Variants in PALM2AKAP2 observed in about 807,000 individuals in gnomAD.
PALM2AKAP2 encodes the protein PALM2-AKAP2 fusion protein.
In PALM2AKAP2, 37 loss-of-function variants were observed where a neutral mutation model predicts 71.5. The ratio of observed to expected loss-of-function variants is 0.52; its 90% CI spans 0.40 to 0.68. The LOEUF is 0.68. Among genes scored for constraint, PALM2AKAP2 ranks in the 30% least tolerant of loss-of-function variants. The pLI is 0.00. For synonymous variants in PALM2AKAP2, 468 were observed against 478.8 expected, an observed-to-expected ratio of 0.98 and a Z score of 0.29; for missense variants, 1,224 against 1,191.8, an observed-to-expected ratio of 1.03 and a Z score of -0.40.
At chr9:109,791,627 C>G (rs951435775) in intron 1 of PALM2AKAP2, among the ~76,000 whole-genome samples, 4 of 152,186 alleles carry the variant, frequency 2.6e-5, no homozygotes, top group Non-Finnish European at 4.4e-5. Flanking sequence ...CATGTGCCAG[C>G]CACCCTGCTG....
At chr9:110,064,561 T>C (rs1334548753) in intron 1 of PALM2AKAP2, among the ~76,000 whole-genome samples, 1 of 152,188 alleles carries the variant, frequency 6.6e-6, no homozygotes, top group Non-Finnish European at 1.5e-5. Flanking sequence ...GTTAGTGGTA[T>C]GTCCTCAGCA....
At chr9:110,152,400 G>A (rs746124203) in intron 2 of PALM2AKAP2, among the ~76,000 whole-genome samples, 3 of 152,182 alleles carry the variant, frequency 2.0e-5, no homozygotes, top group Non-Finnish European at 4.4e-5. Context: ...AGTAAGCAAA[G>A]CTGGACCTGG....
intron 1 of PALM2AKAP2, among the ~76,000 whole-genome samples, chr9:109,822,513 C>T (rs1828036994): frequency 6.6e-6 from 1 of 152,102 alleles, no homozygotes; most frequent in Admixed American, 6.5e-5. Flanking sequence ...CTTTTTGGAC[C>T]TCACCCTTTT....
At chr9:109,917,935 A>G (rs1359878827) in intron 3 of PALM2AKAP2, among the ~76,000 whole-genome samples, 2 of 152,164 alleles carry the variant, frequency 1.3e-5, no homozygotes, top group East Asian at 1.9e-4. Flanking sequence ...GCATGTTGCC[A>G]TCCCCAACCA....
In PALM2AKAP2 at chr9:109,713,409, T is replaced by C. The variant is rs548908293; in HGVS notation, c.6-67079T>C. On this transcript the variant is annotated intron_variant, in intron 1 of 6. Transcript: ENST00000374531. ...TTTTTAGATAGCACATGCATGATCATTTTATAATTTAAATATAAATCTATC... is the reference window on the plus strand; with the variant it reads ...TTTTTAGATAGCACATGCATGATCACTTTATAATTTAAATATAAATCTATC... Among the ~76,000 whole-genome samples, 14 of 152,312 alleles carry C rather than the reference T, an allele frequency of 9.2e-5. No individual in the cohort carries two copies. In the South Asian group the frequency reaches 2.9e-3, roughly 32 times the overall value.
At chr9:109,953,229 C>T (rs1831676881) in intron 6 of PALM2AKAP2, among the ~76,000 whole-genome samples, 1 of 152,144 alleles carries the variant, frequency 6.6e-6, no homozygotes, top group African/African-American at 2.4e-5. Flanking sequence ...ACCAGATGAA[C>T]TCTAAATATA....
At chr9:109,955,812 C>T (rs949578428) in intron 6 of PALM2AKAP2, among the ~76,000 whole-genome samples, 5 of 151,928 alleles carry the variant, frequency 3.3e-5, no homozygotes, top group African/African-American at 1.2e-4. Flanking sequence ...TGGTGCGTAT[C>T]TGTGGTCCCA....
At chr9:109,960,562 G>A (rs1382161924) in intron 6 of PALM2AKAP2, among the ~76,000 whole-genome samples, 1 of 152,146 alleles carries the variant, frequency 6.6e-6, no homozygotes, top group African/African-American at 2.4e-5. Context: ...AGGATTGCTT[G>A]AGCACAGGAA....
intron 6 of PALM2AKAP2, among the ~76,000 whole-genome samples, chr9:109,981,600 G>T (rs1015280152): frequency 1.3e-5 from 2 of 152,210 alleles, no homozygotes; most frequent in African/African-American, 4.8e-5. Flanking sequence ...TCCCTAGCAT[G>T]GAACTGAAAC....
chr9:110,107,582 G>A (rs1835146539), intron 1 of PALM2AKAP2, among the ~76,000 whole-genome samples: 1 of 151,840 alleles, frequency 6.6e-6, no homozygotes, highest in Admixed American at 6.6e-5. Context: ...TTTTTAGAGT[G>A]GGGAGACAGT....
At chr9:109,790,255 G>GA (rs1272693213) in intron 1 of PALM2AKAP2, among the ~76,000 whole-genome samples, 1 of 151,810 alleles carries the variant, frequency 6.6e-6, no homozygotes, top group Non-Finnish European at 1.5e-5. Flanking sequence ...CAAATATCTT[G>GA]AAGGCATTTG....
chr9:109,687,144 G>A (rs1265822726), intron 1 of PALM2AKAP2, among the ~76,000 whole-genome samples: 5 of 152,140 alleles, frequency 3.3e-5, no homozygotes, highest in Non-Finnish European at 4.4e-5. Flanking sequence ...CACAGGCAGA[G>A]TAGATTCGCA....
At chr9:110,140,994 C>G (rs570173362) in intron 2 of PALM2AKAP2, among the ~76,000 whole-genome samples, 1 of 152,202 alleles carries the variant, frequency 6.6e-6, no homozygotes, top group African/African-American at 2.4e-5. Flanking sequence ...ACATTCAGAC[C>G]GTAGCATGAG....
In PALM2AKAP2 at chr9:109,979,341, G is replaced by A. The variant is rs1832227056; in HGVS notation, c.497-36613G>A. 2.6e-5 allele frequency among the ~76,000 whole-genome samples: 4 copies of A among 152,254 alleles called. 1 individual carries two copies. The South Asian group carries it at 6.2e-4, about 24-fold the overall frequency. ...CTAGCCATGAGGGTGGAGGAAGAAC[G>A]CAAGCCTTGCTCTCAAGCCCCGCCT... is the stretch of plus-strand genomic sequence containing the variant. On this transcript the variant is annotated intron_variant, in intron 6 of 9. Transcript: ENST00000302798.
chr9:110,003,257 A>G (rs1432826314), intron 6 of PALM2AKAP2, among the ~76,000 whole-genome samples: 2 of 152,106 alleles, frequency 1.3e-5, no homozygotes, highest in Non-Finnish European at 2.9e-5. Context: ...GTTTCAAAGA[A>G]CATCTTTATT....
chr9:109,687,940 T>C, intron 1 of PALM2AKAP2, among the ~76,000 whole-genome samples: 1 of 152,142 alleles, frequency 6.6e-6, no homozygotes, highest in Non-Finnish European at 1.5e-5. Context: ...TCTCAGGAAA[T>C]AGAGAGGCTT....
At chr9:109,891,796 C>G (rs1468411896) in intron 3 of PALM2AKAP2, among the ~76,000 whole-genome samples, 1 of 152,016 alleles carries the variant, frequency 6.6e-6, no homozygotes, top group African/African-American at 2.4e-5. Context: ...TGGCCATCAC[C>G]CATCAATTTT....
intron 1 of PALM2AKAP2, among the ~76,000 whole-genome samples, chr9:110,105,718 G>A (rs1835104270): frequency 6.6e-6 from 1 of 152,100 alleles, no homozygotes; most frequent in African/African-American, 2.4e-5. Context: ...AGGGAAGTAG[G>A]TCTCTCTTTT....
exon 2 of PALM2AKAP2, chr9:110,138,301 T>A (rs759853090): frequency 6.2e-7 from 1 of 1,614,232 alleles, no homozygotes; most frequent in South Asian, 1.1e-5. Flanking sequence ...CGGAGGCAGC[T>A]GAGCTGAGAA....
Sources: gnomAD v4.1 joint callset for allele counts (sites outside exome capture counted in the v4.1 genomes callset) on GRCh38, gnomAD v4.1.1 for gene constraint, MANE v1.5 for transcripts, NCBI Gene and HGNC (gene_info 2026-07-23, HGNC 2026-07-21) for gene names.